Variants in ADAM12 observed in about 807,000 individuals in gnomAD.
The protein encoded by ADAM12 is ADAM metallopeptidase domain 12.
In ADAM12, 70 loss-of-function variants were observed where a neutral mutation model predicts 106.4. That is an observed-to-expected ratio of 0.66 (90% confidence interval 0.54 to 0.80). The LOEUF is 0.80. ADAM12 is among the 30% of genes least tolerant of loss of function. ADAM12 has a pLI of 0.00. For missense variants in ADAM12, 1,010 were observed against 1,171.9 expected, an observed-to-expected ratio of 0.86 and a Z score of 2.02; for synonymous variants, 420 against 433.5, an observed-to-expected ratio of 0.97 and a Z score of 0.39.
intron 1 of ADAM12, among the ~76,000 whole-genome samples, chr10:126,375,602 G>C (rs1380845924): frequency 6.7e-6 from 1 of 149,458 alleles, no homozygotes. Context: ...TAAATTAACA[G>C]AACTGGGAAA....
intron 3 of ADAM12, among the ~76,000 whole-genome samples, chr10:126,179,087 CCACTCAAG>C (rs905829456): frequency 6.6e-6 from 1 of 151,904 alleles, no homozygotes; most frequent in African/African-American, 2.4e-5. Flanking sequence ...AAGAAAATAT[CCACTCAAG>C]CACTCAAGCA....
chr10:126,287,527 AC>A lies in ADAM12; in HGVS notation c.187-8540del, dbSNP rs1420923397. Reference sequence around the variant, plus strand: ...GAGCTTAGTGATGCCCTTTCTTAAGACCCTTCAATGGCAACCTGATGTGCTT... The same window carrying A: ...GAGCTTAGTGATGCCCTTTCTTAAGACCTTCAATGGCAACCTGATGTGCTT... On this transcript the variant is annotated intron_variant, in intron 2 of 22. Transcript: ENST00000448723. Among the ~76,000 whole-genome samples, 3 of 152,004 alleles carry A rather than the reference AC, an allele frequency of 2.0e-5. No individual in the cohort carries two copies. The East Asian group carries it at 5.8e-4, about 29-fold the overall frequency.
At chr10:126,161,710 T>C (rs557719427) in intron 3 of ADAM12, among the ~76,000 whole-genome samples, 3 of 152,088 alleles carry the variant, frequency 2.0e-5, no homozygotes, top group Non-Finnish European at 2.9e-5. Context: ...TTTTCTAAGA[T>C]GTGTGCCTAA....
chr10:126,065,548 T>C (rs1468275844), intron 13 of ADAM12, among the ~76,000 whole-genome samples: 1 of 152,022 alleles, frequency 6.6e-6, no homozygotes, highest in Admixed American at 6.5e-5. Context: ...AAGGGAGAGG[T>C]AAAGGATGTT....
At chr10:126,131,122 TTTTTTTTTTTTGGCAAAA>T (rs1343847000) in intron 5 of ADAM12, among the ~76,000 whole-genome samples, 1 of 145,522 alleles carries the variant, frequency 6.9e-6, no homozygotes, top group African/African-American at 2.6e-5. Flanking sequence ...TTTTTTTTTT[TTTTTTTTTTTTGGCAAAA>T]GCTCATTGCA....
intron 2 of ADAM12, among the ~76,000 whole-genome samples, chr10:126,310,718 G>A (rs144424639): frequency 1.1e-3 from 162 of 152,248 alleles, no homozygotes; most frequent in African/African-American, 3.8e-3. Flanking sequence ...TCACTGGGTG[G>A]GATGTGTCTC....
intron 2 of ADAM12, among the ~76,000 whole-genome samples, chr10:126,288,425 C>CA (rs929856248): frequency 6.6e-6 from 1 of 151,730 alleles, no homozygotes; most frequent in African/African-American, 2.4e-5. Context: ...ATCTTCGTGA[C>CA]AAAAAAAATC....
chr10:126,251,543 G>A (rs1343172186), intron 3 of ADAM12, among the ~76,000 whole-genome samples: 1 of 110,764 alleles, frequency 9.0e-6, no homozygotes, highest in East Asian at 2.8e-4. Context: ...ATAGATGGAT[G>A]GATAGGATAG....
At chr10:126,159,413 T>C (rs897888643) in intron 3 of ADAM12, among the ~76,000 whole-genome samples, 3 of 151,926 alleles carry the variant, frequency 2.0e-5, no homozygotes, top group East Asian at 3.9e-4. Flanking sequence ...AATTATTACA[T>C]ATATTATTTA....
At chr10:126,168,750 G>C (rs931806178) in intron 3 of ADAM12, among the ~76,000 whole-genome samples, 4 of 152,106 alleles carry the variant, frequency 2.6e-5, no homozygotes, top group African/African-American at 9.7e-5. Flanking sequence ...ACCCAGAGCA[G>C]AATTCTAATT....
intron 3 of ADAM12, among the ~76,000 whole-genome samples, chr10:126,216,178 A>G (rs138886782): frequency 4.1e-4 from 62 of 152,332 alleles, no homozygotes; most frequent in African/African-American, 1.4e-3. Context: ...TGCCCTCTGT[A>G]GACATGTCTT....
intron 10 of ADAM12, among the ~76,000 whole-genome samples, chr10:126,096,638 A>G (rs1955563999): frequency 6.6e-6 from 1 of 152,252 alleles, no homozygotes; most frequent in Non-Finnish European, 1.5e-5. Flanking sequence ...ATGTAACTTT[A>G]CAGACACAGG....
rs186142322 is a variant in ADAM12 at position 126,240,636 on chromosome 10, A to G, written c.260+38279T>C. On this transcript the variant is annotated intron_variant, in intron 3 of 22. Coordinates refer to ENST00000448723, the MANE Select transcript of ADAM12 (RefSeq NM_001288973.2). ...GAGAAGGAGCTACCAGGCAGGCTGG[A>G]GCTGGAGGCAGAGACTTCCAGGCAG... Among the ~76,000 whole-genome samples, 232 of 152,346 alleles carry G rather than the reference A, an allele frequency of 1.5e-3. 1 individual carries two copies. The highest frequency in any genetic ancestry group is 5.0e-3 in the African/African-American group (209 of 41,588).
At chr10:126,249,058 T>C (rs1958689860) in intron 3 of ADAM12, among the ~76,000 whole-genome samples, 1 of 152,152 alleles carries the variant, frequency 6.6e-6, no homozygotes, top group Non-Finnish European at 1.5e-5. Context: ...AGTAAAATTA[T>C]TATCCTTACT....
At chr10:126,335,950 G>C (rs1049101955) in intron 1 of ADAM12, among the ~76,000 whole-genome samples, 1 of 150,986 alleles carries the variant, frequency 6.6e-6, no homozygotes, top group Middle Eastern at 3.4e-3. Context: ...ACCAGTAATC[G>C]TCAAAACTGT....
chr10:126,159,161 T>C (rs111712078), intron 3 of ADAM12, among the ~76,000 whole-genome samples: 3 of 151,816 alleles, frequency 2.0e-5, no homozygotes, highest in Non-Finnish European at 4.4e-5. Context: ...TACAAAAAAA[T>C]TAGCCGGGCA....
intron 3 of ADAM12, among the ~76,000 whole-genome samples, chr10:126,229,730 T>C (rs1354639894): frequency 1.0e-4 from 15 of 150,682 alleles, no homozygotes; most frequent in Admixed American, 9.9e-4. Context: ...CTTCCTCCAG[T>C]TGCAAACCTC....
At chr10:126,366,734 T>C (rs1349360218) in intron 1 of ADAM12, among the ~76,000 whole-genome samples, 1 of 152,092 alleles carries the variant, frequency 6.6e-6, no homozygotes, top group Non-Finnish European at 1.5e-5. Context: ...AAAAATGCTC[T>C]GCGCATACAT....
intron 11 of ADAM12, among the ~76,000 whole-genome samples, chr10:126,078,490 T>A (rs7078516): frequency 0.12 from 18,952 of 152,096 alleles, 1,528 homozygotes; most frequent in African/African-American, 0.22. Flanking sequence ...TTATGCCACA[T>A]AAATGGAGTC....
Sources: gnomAD v4.1 joint callset for allele counts (sites outside exome capture counted in the v4.1 genomes callset) on GRCh38, gnomAD v4.1.1 for gene constraint, MANE v1.5 for transcripts, NCBI Gene and HGNC (gene_info 2026-07-23, HGNC 2026-07-21) for gene names.